The following TFAP2D variants were observed in gnomAD, a reference collection of about 807,000 sequenced individuals.
TFAP2D encodes the protein transcription factor AP-2-delta.
TFAP2D carries 9 observed loss-of-function variants against 43.6 expected under a neutral mutation model. The ratio of observed to expected loss-of-function variants is 0.21; its 90% CI spans 0.12 to 0.36. TFAP2D has a LOEUF of 0.36. TFAP2D is among the 10% of genes least tolerant of loss of function. The pLI is 1.00. For synonymous variants in TFAP2D, 256 were observed against 224.9 expected (o/e 1.14, Z -1.24); for missense variants, 513 against 561.4 (o/e 0.91, Z 0.87).
chr6:50,733,495 A>G (rs2081857490), intron 5 of TFAP2D, among the ~76,000 whole-genome samples: 1 of 151,974 alleles, frequency 6.6e-6, no homozygotes, highest in South Asian at 2.1e-4. Context: ...ATAATTTTAT[A>G]CTCTTCTAGA....
At chr6:50,769,602 G>A (rs1176784817) in intron 7 of TFAP2D, among the ~76,000 whole-genome samples, 1 of 152,142 alleles carries the variant, frequency 6.6e-6, no homozygotes, top group African/African-American at 2.4e-5. Context: ...TAAAAACCCT[G>A]CTCTTAGGCA....
chr6:50,718,582 C>T (rs1169000019), intron 2 of TFAP2D, among the ~76,000 whole-genome samples: 4 of 152,120 alleles, frequency 2.6e-5, no homozygotes, highest in South Asian at 2.1e-4. Flanking sequence ...TTCCTTCATA[C>T]GGCCCATTTT....
chr6:50,731,549 C>T (rs1768893547), intron 5 of TFAP2D, among the ~76,000 whole-genome samples: 1 of 151,682 alleles, frequency 6.6e-6, no homozygotes, highest in African/African-American at 2.4e-5. Flanking sequence ...TTTAATGTTC[C>T]TTGTAAACCC....
At chr6:50,766,206 T>C (rs1769439072) in intron 7 of TFAP2D, among the ~76,000 whole-genome samples, 1 of 152,244 alleles carries the variant, frequency 6.6e-6, no homozygotes, top group Non-Finnish European at 1.5e-5. Context: ...AGACTCGTTC[T>C]GTTCCATTGG....
chr6:50,738,926 T>A (rs1768999585), intron 5 of TFAP2D, among the ~76,000 whole-genome samples: 1 of 152,212 alleles, frequency 6.6e-6, no homozygotes, highest in Non-Finnish European at 1.5e-5. Context: ...CTTACATTTT[T>A]GGAAGATGTG....
At chr6:50,714,232 T>A in intron 1 of TFAP2D, 138 bp downstream of exon 1, 1 of 1,007,414 alleles carries the variant, frequency 9.9e-7, no homozygotes, top group Non-Finnish European at 1.4e-6. Flanking sequence ...TTATAATCTG[T>A]CTTTCGGGGG....
At position 50,715,747 on chromosome 6, in the gene TFAP2D, T is replaced by TCACACACACA. The variant is rs1450229346; in HGVS notation, c.537+135_537+136insACACACACAC. 28 of 498,348 alleles carry TCACACACACA rather than the reference T, an allele frequency of 5.6e-5. No homozygotes were observed. The African/African-American group carries it at 6.5e-4, about 11-fold the overall frequency. 30.9% of individuals were successfully genotyped at this position (498,348 alleles called of 1,614,324 possible). A position where few individuals can be genotyped will look rare whatever the true frequency, so the allele number is the denominator to read the frequency against. On this transcript the variant is annotated intron_variant, in intron 2 of 7. Coordinates refer to ENST00000008391, the MANE Select transcript of TFAP2D (RefSeq NM_172238.4). ...CTCTCTCTCTCTCTCTCTCTCTCTC[T>TCACACACACA]CTCACACACACACACACACACACAC...
chr6:50,755,342 G>T (rs1293922475), intron 7 of TFAP2D, among the ~76,000 whole-genome samples: 1 of 151,430 alleles, frequency 6.6e-6, no homozygotes, highest in Admixed American at 6.6e-5. Context: ...GCAAAAGTCA[G>T]CTTGTTGCTT....
intron 5 of TFAP2D, among the ~76,000 whole-genome samples, chr6:50,734,471 G>A (rs951329261): frequency 6.6e-6 from 1 of 152,078 alleles, no homozygotes; most frequent in African/African-American, 2.4e-5. Context: ...GCAGTCTGAT[G>A]TGAATGTTCA....
intron 3 of TFAP2D, 36 bp from the exon 4 acceptor site, chr6:50,728,820 T>C: frequency 1.2e-6 from 2 of 1,603,810 alleles, no homozygotes; most frequent in African/African-American, 1.3e-5. Flanking sequence ...CTTCTTTCAC[T>C]GTCACTAACA....
chr6:50,715,480 G>A lies in TFAP2D; in HGVS notation c.404G>A (p.Gly135Asp), dbSNP rs779891409. ...SCLDEQRREL[G>D]CLDAYRRHDL... ...CTGGACGAGCAGAGGCGGGAGCTGG[G>A]CTGCCTCGATGCCTACCGCCGCCAT... Residue 135 changes from glycine (G) to aspartate (D), a missense_variant, in exon 2 of 8, where the codon GGC (glycine) becomes GAC (aspartate). Physicochemically the swap from Gly to Asp is moderately conservative, Grantham distance 94. This residue lies in a region of TFAP2D where 311 missense variants were observed against 316.2 expected (regional missense o/e 0.98). Transcript: ENST00000008391. 2.5e-6 allele frequency: 4 copies of A among 1,613,690 alleles called. No homozygotes were observed. The East Asian group carries it at 8.9e-5, about 36-fold the overall frequency.
At chr6:50,729,427 C>T (rs1314147359) in intron 5 of TFAP2D, 115 bp downstream of exon 5, 5 of 787,288 alleles carry the variant, frequency 6.4e-6, no homozygotes, top group Non-Finnish European at 1.0e-5. Flanking sequence ...AGTCAGTTAA[C>T]AGTTAAGGTA....
chr6:50,725,564 A>G (rs1768796087), intron 3 of TFAP2D, among the ~76,000 whole-genome samples: 1 of 152,218 alleles, frequency 6.6e-6, no homozygotes, highest in Non-Finnish European at 1.5e-5. Context: ...CATAATTTCA[A>G]TATGAGCTGA....
intron 5 of TFAP2D, among the ~76,000 whole-genome samples, chr6:50,743,464 C>T (rs902301884): frequency 1.3e-5 from 2 of 151,972 alleles, no homozygotes; most frequent in African/African-American, 4.8e-5. Context: ...TCACTACAGT[C>T]TCAACTTCAT....
intron 7 of TFAP2D, among the ~76,000 whole-genome samples, chr6:50,762,848 G>T (rs536468177): frequency 2.6e-5 from 4 of 152,024 alleles, no homozygotes; most frequent in African/African-American, 9.6e-5. Context: ...AATCTAGTTA[G>T]AGACAGAGAG....
At chr6:50,742,269 CA>C (rs1769056359) in intron 5 of TFAP2D, among the ~76,000 whole-genome samples, 1 of 151,738 alleles carries the variant, frequency 6.6e-6, no homozygotes, top group Non-Finnish European at 1.5e-5. Flanking sequence ...CATCCTGTAA[CA>C]ATGTTATATC....
chr6:50,766,209 T>C (rs1031141915), intron 7 of TFAP2D, among the ~76,000 whole-genome samples: 3 of 152,214 alleles, frequency 2.0e-5, no homozygotes, highest in African/African-American at 7.2e-5. Context: ...CTCGTTCTGT[T>C]CCATTGGTCT....
chr6:50,741,060 A>T (rs1488774195), intron 5 of TFAP2D, among the ~76,000 whole-genome samples: 6 of 151,976 alleles, frequency 3.9e-5, no homozygotes, highest in Admixed American at 3.9e-4. Context: ...CCTGCTTTTT[A>T]AGAGATATGT....
At chr6:50,754,909 A>T (rs909726691) in intron 7 of TFAP2D, among the ~76,000 whole-genome samples, 1 of 151,394 alleles carries the variant, frequency 6.6e-6, no homozygotes, top group African/African-American at 2.4e-5. Flanking sequence ...CATTCTGTAC[A>T]TTTCTTTATT....
Sources: allele counts gnomAD v4.1 joint callset (sites outside exome capture counted in the v4.1 genomes callset), GRCh38; gene constraint gnomAD v4.1.1; regional missense constraint gnomAD v4.1.1; transcripts MANE v1.5; gene names NCBI Gene and HGNC (gene_info 2026-07-23, HGNC 2026-07-21).